The following CLSTN2 variants were observed in gnomAD, a reference collection of about 807,000 sequenced individuals.
CLSTN2 encodes the protein calsyntenin 2.
A neutral mutation model predicts 101.2 loss-of-function variants in CLSTN2; 48 were observed. The observed-to-expected ratio is 0.47, with a 90% confidence interval of 0.38 to 0.60. The LOEUF (loss-of-function observed/expected upper bound fraction) is 0.60. CLSTN2 is among the 20% of genes least tolerant of loss of function. The pLI is 0.00. For synonymous variants in CLSTN2, 481 were observed against 463.6 expected (o/e 1.04, Z -0.48); for missense variants, 1,160 against 1,238.2 (o/e 0.94, Z 0.95).
intron 1 of CLSTN2, among the ~76,000 whole-genome samples, chr3:140,127,805 G>A (rs1303204767): frequency 1.3e-5 from 2 of 152,090 alleles, no homozygotes; most frequent in Admixed American, 1.3e-4. Flanking sequence ...AACAGGGCTG[G>A]GAAAAGAATA....
chr3:140,418,264 C>G (rs538942179), intron 4 of CLSTN2, among the ~76,000 whole-genome samples: 34 of 152,204 alleles, frequency 2.2e-4, no homozygotes, highest in Admixed American at 3.9e-4. Flanking sequence ...CCAACCAATA[C>G]TGAGCCATTC....
chr3:140,432,646 T>C (rs1162718172), intron 5 of CLSTN2, among the ~76,000 whole-genome samples: 1 of 152,178 alleles, frequency 6.6e-6, no homozygotes, highest in African/African-American at 2.4e-5. Context: ...AGGATGCTGA[T>C]TTACCTACTC....
At chr3:140,318,797 T>A (rs2087255364) in intron 2 of CLSTN2, among the ~76,000 whole-genome samples, 1 of 152,184 alleles carries the variant, frequency 6.6e-6, no homozygotes, top group South Asian at 2.1e-4. Flanking sequence ...TACCTAAGCT[T>A]GTGCTAAATG....
chr3:140,419,494 A>AAAATATATAT (rs1358014947), intron 4 of CLSTN2, among the ~76,000 whole-genome samples: 1 of 55,008 alleles, frequency 1.8e-5, no homozygotes, highest in Non-Finnish European at 3.0e-5. Flanking sequence ...AAAAAAAAAA[A>AAAATATATAT]ATATATATAT....
chr3:140,135,143 T>C (rs1199589223), intron 1 of CLSTN2, among the ~76,000 whole-genome samples: 30 of 135,802 alleles, frequency 2.2e-4, no homozygotes, highest in Middle Eastern at 3.7e-3. Context: ...TATATATATA[T>C]ATATATATAT....
chr3:140,268,240 C>T (rs951064796), intron 2 of CLSTN2, among the ~76,000 whole-genome samples: 1 of 152,152 alleles, frequency 6.6e-6, no homozygotes, highest in African/African-American at 2.4e-5. Context: ...AATCATCCAG[C>T]AGAGGGCTGG....
At chr3:139,949,296 C>G (rs1483229412) in intron 1 of CLSTN2, among the ~76,000 whole-genome samples, 1 of 152,206 alleles carries the variant, frequency 6.6e-6, no homozygotes, top group Non-Finnish European at 1.5e-5. Context: ...ATGGATGGAG[C>G]TCCCTGGAAC....
chr3:140,543,822 C>T (rs1935533333), intron 9 of CLSTN2, among the ~76,000 whole-genome samples: 1 of 152,202 alleles, frequency 6.6e-6, no homozygotes, highest in South Asian at 2.1e-4. Context: ...TGATACTGGC[C>T]TCAATTTGTT....
At chr3:140,127,191 A>G (rs1008496139) in intron 1 of CLSTN2, among the ~76,000 whole-genome samples, 2 of 152,110 alleles carry the variant, frequency 1.3e-5, no homozygotes, top group Admixed American at 6.5e-5. Context: ...ACAGATAGTA[A>G]CAATCTGTGT....
chr3:139,938,884 C>G (rs1340338468), intron 1 of CLSTN2, among the ~76,000 whole-genome samples: 1 of 152,122 alleles, frequency 6.6e-6, no homozygotes, highest in African/African-American at 2.4e-5. Context: ...GCTCAGTGCT[C>G]TGGTTCTGAG....
At chr3:140,483,535 C>T (rs540598808) in intron 8 of CLSTN2, among the ~76,000 whole-genome samples, 1 of 152,210 alleles carries the variant, frequency 6.6e-6, no homozygotes, top group Non-Finnish European at 1.5e-5. Flanking sequence ...CTAATGTTGA[C>T]AGTGGGGTGT....
intron 1 of CLSTN2, among the ~76,000 whole-genome samples, chr3:140,096,910 G>A (rs553689875): frequency 7.9e-4 from 120 of 152,318 alleles, no homozygotes; most frequent in African/African-American, 2.9e-3. Context: ...TATAGCCACA[G>A]CCTTGGTGTA....
At chr3:140,531,381 T>C (rs907385632) in intron 8 of CLSTN2, among the ~76,000 whole-genome samples, 1 of 152,182 alleles carries the variant, frequency 6.6e-6, no homozygotes, top group African/African-American at 2.4e-5. Flanking sequence ...TCCCTGTTGG[T>C]GTTATCTGTT....
At chr3:140,138,752 C>A (rs1281344846) in intron 1 of CLSTN2, among the ~76,000 whole-genome samples, 1 of 152,180 alleles carries the variant, frequency 6.6e-6, no homozygotes, top group African/African-American at 2.4e-5. Flanking sequence ...CCTGGTTGAG[C>A]CAGGCCTTCT....
At chr3:140,318,233 G>A (rs1195219766) in intron 2 of CLSTN2, among the ~76,000 whole-genome samples, 1 of 152,148 alleles carries the variant, frequency 6.6e-6, no homozygotes, top group Non-Finnish European at 1.5e-5. Context: ...AAAGACAGAC[G>A]TGTGGTCCAG....
intron 2 of CLSTN2, among the ~76,000 whole-genome samples, chr3:140,393,029 C>A (rs746280337): frequency 6.6e-6 from 1 of 152,046 alleles, no homozygotes; most frequent in Non-Finnish European, 1.5e-5. Context: ...CCCAGTCCCA[C>A]GCCCATGATA....
intron 1 of CLSTN2, among the ~76,000 whole-genome samples, chr3:140,173,050 T>C (rs2010263903): frequency 6.6e-6 from 1 of 152,168 alleles, no homozygotes; most frequent in Non-Finnish European, 1.5e-5. Flanking sequence ...CTTAACTCAT[T>C]TTAGCATTAA....
At chr3:140,179,624 A>G in intron 2 of CLSTN2, among the ~76,000 whole-genome samples, 1 of 87,082 alleles carries the variant, frequency 1.1e-5, no homozygotes, top group African/African-American at 6.9e-5. Context: ...CTATCTCAAA[A>G]AAAAAAAAAA....
At chr3:140,003,026 G>A (rs2006879787) in intron 1 of CLSTN2, among the ~76,000 whole-genome samples, 2 of 152,086 alleles carry the variant, frequency 1.3e-5, no homozygotes, top group African/African-American at 4.8e-5. Flanking sequence ...ATTTTGCTTA[G>A]GATAGCTTTG....
Sources: allele counts gnomAD v4.1 joint callset (sites outside exome capture counted in the v4.1 genomes callset), GRCh38; gene constraint gnomAD v4.1.1; transcripts MANE v1.5; gene names NCBI Gene and HGNC (gene_info 2026-07-23, HGNC 2026-07-21).